NPAS3: variants seen among roughly 807,000 people sequenced by gnomAD.
NPAS3 encodes the protein neuronal PAS domain protein 3, also known as neuronal PAS domain-containing protein 3.
In NPAS3, 14 loss-of-function variants were observed where a neutral mutation model predicts 73.1. The observed-to-expected ratio is 0.19, with a 90% CI of 0.13 to 0.30. The LOEUF is 0.30. Among genes scored for constraint, NPAS3 ranks in the 10% least tolerant of loss-of-function variants. NPAS3 has a pLI of 1.00. For synonymous variants in NPAS3, 620 were observed against 541.5 expected, an observed-to-expected ratio of 1.14 and a Z score of -2.01; for missense variants, 1,096 against 1,250.0, an observed-to-expected ratio of 0.88 and a Z score of 1.86.
rs1025743817 is a variant in NPAS3, at chr14:33,734,262, T to C, written c.734-952T>C. On this transcript the variant is annotated intron_variant, in intron 6 of 11. Coordinates refer to ENST00000356141, the Ensembl canonical transcript of NPAS3. ...GTATAAATTAGAGTATTTGTTAGGC[T>C]TAAAAACCCCAAAATTAATTTCTTT... Among the ~76,000 whole-genome samples the C allele has an allele frequency of 1.9e-4, 29 of 152,172 alleles. 1 individual carries two copies. The highest frequency in any genetic ancestry group is 3.8e-4 in the Non-Finnish European group (26 of 68,034).
chr14:33,105,376 A>C (rs556921178), intron 2 of NPAS3, among the ~76,000 whole-genome samples: 1 of 152,164 alleles, frequency 6.6e-6, no homozygotes, highest in Non-Finnish European at 1.5e-5. Context: ...ATGGAGCAAG[A>C]ACTACTATGA....
intron 7 of NPAS3, among the ~76,000 whole-genome samples, chr14:33,773,945 A>C (rs1469932446): frequency 6.6e-6 from 1 of 152,184 alleles, no homozygotes; most frequent in African/African-American, 2.4e-5. Flanking sequence ...ATGGCCATGT[A>C]ATCCCACTCA....
chr14:33,662,916 G>A (rs1420460362), intron 5 of NPAS3, among the ~76,000 whole-genome samples: 9 of 143,260 alleles, frequency 6.3e-5, no homozygotes, highest in Non-Finnish European at 1.1e-4. Context: ...ACTGGAGTGC[G>A]GTGGCACGAT....
At chr14:32,992,772 G>T (rs1250384243) in intron 1 of NPAS3, among the ~76,000 whole-genome samples, 2 of 152,104 alleles carry the variant, frequency 1.3e-5, no homozygotes, top group Non-Finnish European at 2.9e-5. Flanking sequence ...AGTCAAAGAT[G>T]ACTCCAAAGT....
In NPAS3 at chr14:33,046,533, C is replaced by T. The variant is rs143527646; in HGVS notation, c.51-9372C>T. On this transcript the variant is annotated intron_variant, in intron 1 of 11. Coordinates refer to ENST00000356141, the Ensembl canonical transcript of NPAS3. ...GCACTGTGAATAAGAAGTGACTTTG[C>T]CAAGATGTAGGAGACAAGTGCAGAA... 1.2e-4 allele frequency among the ~76,000 whole-genome samples: 18 copies of T among 152,220 alleles called. No individual in the cohort carries two copies. In the East Asian group the frequency reaches 3.3e-3, roughly 28 times the overall value.
chr14:33,231,903 A>G (rs1438504357), intron 3 of NPAS3, among the ~76,000 whole-genome samples: 1 of 152,200 alleles, frequency 6.6e-6, no homozygotes, highest in East Asian at 1.9e-4. Flanking sequence ...GCTCAAATCC[A>G]TTCATACTAG....
At chr14:32,994,209 T>C (rs1364531199) in intron 1 of NPAS3, among the ~76,000 whole-genome samples, 1 of 152,166 alleles carries the variant, frequency 6.6e-6, no homozygotes, top group East Asian at 1.9e-4. Flanking sequence ...ATGAATACTT[T>C]AAATGTGCAA....
chr14:33,446,467 G>A (rs532681212), intron 4 of NPAS3, among the ~76,000 whole-genome samples: 305 of 152,176 alleles, frequency 2.0e-3, no homozygotes, highest in African/African-American at 7.1e-3. Flanking sequence ...GAGCCACCGC[G>A]CCCGGCCACT....
In NPAS3 at chr14:33,558,966, C is replaced by CA. The variant is rs942376327; in HGVS notation, c.469-1154dup. On this transcript the variant is annotated intron_variant, in intron 4 of 11. Coordinates refer to ENST00000356141, the Ensembl canonical transcript of NPAS3. ...AGCAAAACAAAAGACATGCGGATGA[C>CA]AGAGGGTGTAGGATGCACTGGATTG... Among the ~76,000 whole-genome samples the CA allele has an allele frequency of 8.5e-4, 129 of 151,544 alleles. 3 individuals carry two copies. In the Middle Eastern group the frequency reaches 0.01, roughly 12 times the overall value.
At chr14:33,666,537 G>T (rs1036526796) in intron 5 of NPAS3, among the ~76,000 whole-genome samples, 17 of 152,320 alleles carry the variant, frequency 1.1e-4, no homozygotes, top group African/African-American at 3.8e-4. Context: ...ATCTCTGGGA[G>T]CCCATGCTGC....
intron 3 of NPAS3, among the ~76,000 whole-genome samples, chr14:33,361,008 C>T (rs2045575357): frequency 6.6e-6 from 1 of 152,142 alleles, no homozygotes; most frequent in African/African-American, 2.4e-5. Flanking sequence ...AGTGTGGGTT[C>T]TCTCACGAAG....
Position 33,544,825 on chromosome 14 carries a change from A to ATATATTATATATATATATAAT in NPAS3, c.469-15293_469-15292insATTATATATATATATAATTAT. Among the ~76,000 whole-genome samples the ATATATTATATATATATATAAT allele has an allele frequency of 1.1e-3, 125 of 112,128 alleles. 5 individuals are homozygous for ATATATTATATATATATATAAT. Among genetic ancestry groups the ATATATTATATATATATATAAT allele is most frequent in the African/African-American group, 4.4e-3 (109 of 24,498 alleles). The allele number at this position is 112,128 out of a possible 152,430, so 73.6% of individuals were successfully genotyped here. ...ATATATATATATGTATATATAATAT[A>ATATATTATATATATATATAAT]TATGTGTATATATATATTATATATA... is the stretch of plus-strand genomic sequence containing the variant. On this transcript the variant is annotated intron_variant, in intron 4 of 11. Coordinates refer to ENST00000356141, the Ensembl canonical transcript of NPAS3.
In NPAS3 at chr14:33,310,855, C is replaced by A. The variant is rs572255576; in HGVS notation, c.386-56331C>A. 6.0e-5 allele frequency among the ~76,000 whole-genome samples: 9 copies of A among 149,462 alleles called. 1 individual carries two copies. Among genetic ancestry groups the A allele is most frequent in the South Asian group, 2.2e-4 (1 of 4,624 alleles). On this transcript the variant is annotated intron_variant, in intron 3 of 11. Coordinates refer to ENST00000356141, the Ensembl canonical transcript of NPAS3. ...CACACAAATACTTCAGAGAAAACAACCTTAGTATTAAGACTACAGTCTGTT... is the reference window on the plus strand; with the variant it reads ...CACACAAATACTTCAGAGAAAACAAACTTAGTATTAAGACTACAGTCTGTT...
intron 2 of NPAS3, among the ~76,000 whole-genome samples, chr14:33,093,691 T>A (rs1475779089): frequency 6.6e-6 from 1 of 152,166 alleles, no homozygotes; most frequent in East Asian, 1.9e-4. Flanking sequence ...GGGGCACTAT[T>A]CACAATAGCA....
intron 1 of NPAS3, among the ~76,000 whole-genome samples, chr14:33,031,440 T>A (rs2039984968): frequency 6.6e-6 from 1 of 152,230 alleles, no homozygotes; most frequent in Non-Finnish European, 1.5e-5. Context: ...TCTCTTTTTA[T>A]GACGCATGGC....
chr14:33,024,174 G>GTGTGTA (rs1180335752), intron 1 of NPAS3, among the ~76,000 whole-genome samples: 6 of 149,734 alleles, frequency 4.0e-5, no homozygotes, highest in African/African-American at 7.4e-5. Flanking sequence ...GTGTGTGTAT[G>GTGTGTA]TATATTCCCC....
chr14:33,456,865 G>A (rs1342693172), intron 4 of NPAS3, among the ~76,000 whole-genome samples: 1 of 152,106 alleles, frequency 6.6e-6, no homozygotes, highest in Non-Finnish European at 1.5e-5. Context: ...CAGAAATCAG[G>A]ATTTAAAAAC....
intron 5 of NPAS3, among the ~76,000 whole-genome samples, chr14:33,606,539 T>C (rs928720501): frequency 6.7e-6 from 1 of 149,498 alleles, no homozygotes; most frequent in Admixed American, 6.9e-5. Context: ...GGATATTCAT[T>C]CATATGCAGA....
At chr14:33,320,245 G>C (rs567933835) in intron 3 of NPAS3, among the ~76,000 whole-genome samples, 1 of 152,184 alleles carries the variant, frequency 6.6e-6, no homozygotes, top group Non-Finnish European at 1.5e-5. Flanking sequence ...GTAAGAGAGA[G>C]GGCTGACAAT....
Sources: gnomAD v4.1 joint callset for allele counts (sites outside exome capture counted in the v4.1 genomes callset) on GRCh38, gnomAD v4.1.1 for gene constraint, MANE v1.5 for transcripts, NCBI Gene and HGNC (gene_info 2026-07-23, HGNC 2026-07-21) for gene names.